Variants in CCDC88A observed in about 807,000 individuals in gnomAD.
The protein encoded by CCDC88A is coiled-coil and HOOK domain protein 88A, also known as girdin.
A neutral mutation model predicts 234.3 loss-of-function variants in CCDC88A; 54 were observed. The observed-to-expected ratio is 0.23, with a 90% confidence interval of 0.19 to 0.29. The LOEUF (loss-of-function observed/expected upper bound fraction) is 0.29, where lower values mean the gene tolerates loss of function less well. Ranked by LOEUF, CCDC88A falls within the 10% of genes least tolerant of loss-of-function variation. The pLI, the probability that CCDC88A is intolerant of heterozygous loss-of-function variation, is 1.00. For synonymous variants in CCDC88A, 753 were observed against 737.8 expected (o/e 1.02, Z -0.33); for missense variants, 1,832 against 2,123.4 (o/e 0.86, Z 2.70).
intron 22 of CCDC88A, chr2:55,312,817 A>T (rs1574060252): frequency 2.1e-5 from 3 of 140,066 alleles, no homozygotes; most frequent in South Asian, 2.0e-4. Flanking sequence ...CTAATATATA[A>T]TATATTATCT....
intron 2 of CCDC88A, among the ~76,000 whole-genome samples, chr2:55,408,625 G>A (rs535193609): frequency 1.2e-3 from 178 of 152,230 alleles, no homozygotes; most frequent in Non-Finnish European, 2.0e-3. Context: ...GGTCTAAAAA[G>A]GGGAGGCATG....
intron 2 of CCDC88A, among the ~76,000 whole-genome samples, chr2:55,413,311 C>A (rs1002842138): frequency 1.3e-5 from 2 of 152,158 alleles, no homozygotes; most frequent in Non-Finnish European, 2.9e-5. Flanking sequence ...ATAATAATGA[C>A]AGCAACCAGC....
chr2:55,292,509 C>T (rs1679543664), intron 31 of CCDC88A: 1 of 152,080 alleles, frequency 6.6e-6, no homozygotes, highest in African/African-American at 2.4e-5. Flanking sequence ...GTTTGGGACA[C>T]ATCGGTTCCA....
chr2:55,373,643 T>TG (rs1365813100), intron 4 of CCDC88A, among the ~76,000 whole-genome samples: 2 of 152,222 alleles, frequency 1.3e-5, no homozygotes, highest in South Asian at 4.1e-4. Flanking sequence ...CCCAGTAACT[T>TG]GGTAGGTACT....
At position 55,346,273 on chromosome 2, in the gene CCDC88A, G is replaced by C; in HGVS notation, c.943C>G (p.Leu315Val). Residue 315 changes from leucine (L) to valine (V), a missense_variant, in exon 10 of 33, where the codon CTT (leucine) becomes GTT (valine). By Grantham distance (32) the Leu-to-Val change is conservative (BLOSUM62 1). This residue lies in a region of CCDC88A where 1,282 missense variants were observed against 1,543.6 expected (regional missense o/e 0.83). Transcript: ENST00000436346. ...TCGACTCTGACTGCTTTCTCTCGAAGTGCATCTAATTCATCTCGGTACATT... is the reference window on the plus strand; with the variant it reads ...TCGACTCTGACTGCTTTCTCTCGAACTGCATCTAATTCATCTCGGTACATT... ...ARMYRDELDA[L>V]REKAVRVDKL... The C allele has an allele frequency of 6.2e-7, 1 of 1,611,710 alleles. No individual in the cohort carries two copies. Among genetic ancestry groups the C allele is most frequent in the Non-Finnish European group, 8.5e-7 (1 of 1,178,222 alleles).
At chr2:55,385,934 T>G (rs1675532874) in intron 3 of CCDC88A, among the ~76,000 whole-genome samples, 1 of 128,768 alleles carries the variant, frequency 7.8e-6, no homozygotes, top group South Asian at 2.8e-4. Flanking sequence ...GCAAAAAGAA[T>G]CCAGAGAGGC....
intron 17 of CCDC88A, among the ~76,000 whole-genome samples, chr2:55,327,842 T>C (rs1002438017): frequency 6.6e-6 from 1 of 152,176 alleles, no homozygotes; most frequent in African/African-American, 2.4e-5. Flanking sequence ...GGAAAACAGA[T>C]CTAGAAAAGA....
In CCDC88A at chr2:55,336,750, C is replaced by G; in HGVS notation, c.1587G>C (p.Lys529Asn). 1 of 1,591,158 alleles carries G rather than the reference C, an allele frequency of 6.3e-7. No individual in the cohort carries two copies. Among genetic ancestry groups the G allele is most frequent in the Non-Finnish European group, 8.6e-7 (1 of 1,165,790 alleles). Reference sequence around the variant, plus strand: ...GCTGAGCTTTCTCCTTCATTAGATCCTTGCTTAAATTCTGACAATTCTGAA... The same window carrying G: ...GCTGAGCTTTCTCCTTCATTAGATCGTTGCTTAAATTCTGACAATTCTGAA... ...QSLQNCQNLS[K>N]DLMKEKAQLE... The change falls in exon 14 of 33, where the codon AAG becomes AAC. Residue 529 changes from lysine to asparagine, a missense_variant. Physicochemically the swap from Lys to Asn is moderately conservative, Grantham distance 94. Coordinates refer to ENST00000436346, the MANE Select transcript of CCDC88A (RefSeq NM_001365480.1).
At chr2:55,357,411 T>C (rs908438301) in intron 7 of CCDC88A, among the ~76,000 whole-genome samples, 2 of 150,528 alleles carry the variant, frequency 1.3e-5, no homozygotes, top group African/African-American at 4.9e-5. Flanking sequence ...TCTCTCTTTC[T>C]TTCCCCTCCA....
At chr2:55,339,056 G>C (rs930596026) in intron 13 of CCDC88A, 1 of 154,048 alleles carries the variant, frequency 6.5e-6, no homozygotes, top group Non-Finnish European at 1.4e-5. Context: ...TCCCGGGTTC[G>C]AGAGAGATTC....
intron 2 of CCDC88A, among the ~76,000 whole-genome samples, chr2:55,407,044 C>A (rs1349753471): frequency 1.3e-5 from 2 of 151,878 alleles, no homozygotes; most frequent in African/African-American, 4.8e-5. Flanking sequence ...AAGACCCCAT[C>A]TCTACAAAAA....
chr2:55,401,978 A>T (rs1242510137), intron 2 of CCDC88A, among the ~76,000 whole-genome samples: 1 of 116,198 alleles, frequency 8.6e-6, no homozygotes, highest in Non-Finnish European at 1.8e-5. Context: ...AAACTTAATA[A>T]AATGGCTGAA....
intron 3 of CCDC88A, among the ~76,000 whole-genome samples, chr2:55,383,885 C>T (rs1427667854): frequency 6.6e-6 from 1 of 152,062 alleles, no homozygotes; most frequent in Non-Finnish European, 1.5e-5. Flanking sequence ...TTCAGTAAGT[C>T]TATTAACTGT....
In CCDC88A at chr2:55,317,056, G is replaced by A. The variant is rs1180026270; in HGVS notation, c.3746+150C>T. The A allele has an allele frequency of 1.5e-5, 4 of 267,322 alleles. No homozygotes were observed. In the East Asian group the frequency reaches 3.0e-4, roughly 20 times the overall value. 16.6% of individuals were successfully genotyped at this position (267,322 alleles called of 1,614,324 possible). A position where few individuals can be genotyped will look rare whatever the true frequency, so the allele number is the denominator to read the frequency against. ...AGCCTATTCTATTTTTTAAAATTCC[G>A]AATTCAAACTATGCTTGGTACTACA... On this transcript the variant is annotated intron_variant, in intron 21 of 32. Coordinates refer to ENST00000436346, the MANE Select transcript of CCDC88A (RefSeq NM_001365480.1). This position sits in a 1 kb window ranked among gnomAD's most constrained non-coding sequence, Gnocchi z 4.2.
intron 2 of CCDC88A, among the ~76,000 whole-genome samples, chr2:55,409,617 T>TATTA (rs1252753747): frequency 6.6e-6 from 1 of 152,102 alleles, no homozygotes; most frequent in East Asian, 1.9e-4. Flanking sequence ...TCTCACTGAG[T>TATTA]ATTACATTTA....
At chr2:55,410,727 C>CA (rs1177020836) in intron 2 of CCDC88A, among the ~76,000 whole-genome samples, 2 of 151,306 alleles carry the variant, frequency 1.3e-5, no homozygotes, top group Non-Finnish European at 2.9e-5. Context: ...TTACAAAAAA[C>CA]AAAAAACAAA....
chr2:55,407,496 T>C (rs1679793799), intron 2 of CCDC88A, among the ~76,000 whole-genome samples: 1 of 151,224 alleles, frequency 6.6e-6, no homozygotes, highest in African/African-American at 2.4e-5. Context: ...TCCCAGCTAC[T>C]TGGGAGGCTG....
At position 55,312,598 on chromosome 2, in the gene CCDC88A, T is replaced by C. The variant is rs751375086; in HGVS notation, c.3934-19A>G. The C allele has an allele frequency of 6.4e-7, 1 of 1,574,636 alleles. No individual in the cohort carries two copies. The highest frequency in any genetic ancestry group is 1.1e-5 in the South Asian group (1 of 88,216). ...TTAGCAACTGTTTAAACACAAACAT[T>C]TTTTAAAAAATCAACATTTACATTT... On this transcript the variant is annotated intron_variant, in intron 22 of 32. Transcript: ENST00000436346.
intron 29 of CCDC88A, 43 bp from the exon 30 acceptor site, chr2:55,296,566 G>A: frequency 6.4e-7 from 1 of 1,570,458 alleles, no homozygotes; most frequent in Non-Finnish European, 8.7e-7. Flanking sequence ...TAATAGAATT[G>A]AGATTAATAC....
Sources: gnomAD v4.1 joint callset for allele counts (sites outside exome capture counted in the v4.1 genomes callset) on GRCh38, gnomAD v4.1.1 for gene constraint, gnomAD v4.1.1 regional missense constraint, Gnocchi (gnomAD v3.1) non-coding constraint, MANE v1.5 for transcripts, NCBI Gene and HGNC (gene_info 2026-07-23, HGNC 2026-07-21) for gene names.